Variants in IARS1 observed in about 807,000 individuals in gnomAD.
The protein encoded by IARS1 is isoleucyl-tRNA synthetase 1, also known as isoleucine--tRNA ligase, cytoplasmic.
IARS1 carries 124 observed loss-of-function variants against 168.2 expected under a neutral mutation model. The observed-to-expected ratio is 0.74, with a 90% CI of 0.64 to 0.86. The LOEUF (loss-of-function observed/expected upper bound fraction) is 0.86. IARS1 is among the 40% of genes least tolerant of loss of function. The pLI is 0.00. For missense variants in IARS1, 1,452 were observed against 1,515.8 expected (o/e 0.96, Z 0.70); for synonymous variants, 532 against 529.4 (o/e 1.00, Z -0.07).
chr9:92,224,417 A>G (rs1825312232), intron 31 of IARS1, among the ~76,000 whole-genome samples: 1 of 152,246 alleles, frequency 6.6e-6, no homozygotes, highest in Non-Finnish European at 1.5e-5. Context: ...GACACTGGCC[A>G]ATAGCTGGAC....
At chr9:92,289,132 G>A (rs540962437) in intron 2 of IARS1, among the ~76,000 whole-genome samples, 169 bp downstream of exon 2, 3 of 151,068 alleles carry the variant, frequency 2.0e-5, no homozygotes, top group South Asian at 4.2e-4. Context: ...ACTTGCATCC[G>A]GGAGGCAGAG....
intron 13 of IARS1, among the ~76,000 whole-genome samples, chr9:92,268,932 A>G (rs1473254657): frequency 6.6e-6 from 1 of 152,154 alleles, no homozygotes; most frequent in Non-Finnish European, 1.5e-5. Flanking sequence ...GCTTTGCAGA[A>G]ATCCTTTTCA....
At chr9:92,276,655 G>T (rs1015556139) in intron 9 of IARS1, among the ~76,000 whole-genome samples, 3 of 152,212 alleles carry the variant, frequency 2.0e-5, no homozygotes, top group African/African-American at 7.2e-5. Context: ...ACACGGAACA[G>T]AAACAACTGA....
At position 92,223,505 on chromosome 9, in the gene IARS1, A is replaced by G. The variant is rs1825143502; in HGVS notation, c.3410-16T>C. On this transcript the variant is annotated splice_polypyrimidine_tract_variant and intron_variant, in intron 31 of 33. Coordinates refer to ENST00000443024, the MANE Select transcript of IARS1 (RefSeq NM_002161.6). ...TTTTGTATTTCTAAAAATAACAACA[A>G]CAATTCTTTCAGGGTTAACGAACAA... The G allele has an allele frequency of 1.2e-6, 2 of 1,604,442 alleles. No individual in the cohort carries two copies. The highest frequency in any genetic ancestry group is 2.2e-5 in the South Asian group (2 of 90,208).
At position 92,234,197 on chromosome 9, in the gene IARS1, GT is replaced by G. The variant is rs369203357; in HGVS notation, c.3284-5072del. On this transcript the variant is annotated intron_variant, in intron 30 of 33. Coordinates refer to ENST00000443024, the MANE Select transcript of IARS1 (RefSeq NM_002161.6). ...TTATCTTACATCCTGTGACTCAAAAGTTTTTTTCTTTTTTATAAGCAATATG... is the reference window on the plus strand; with the variant it reads ...TTATCTTACATCCTGTGACTCAAAAGTTTTTTCTTTTTTATAAGCAATATG... 6.0e-3 allele frequency among the ~76,000 whole-genome samples: 908 copies of G among 152,148 alleles called. 9 individuals are homozygous for G. The highest frequency in any genetic ancestry group is 0.021 in the African/African-American group (857 of 41,532).
intron 26 of IARS1, among the ~76,000 whole-genome samples, chr9:92,246,529 T>G (rs1016783454): frequency 6.6e-6 from 1 of 152,202 alleles, no homozygotes; most frequent in Non-Finnish European, 1.5e-5. Flanking sequence ...TACCCCCACA[T>G]GTTTTTATGT....
intron 25 of IARS1, among the ~76,000 whole-genome samples, chr9:92,248,656 A>AG (rs1829583564): frequency 6.7e-6 from 1 of 148,606 alleles, no homozygotes; most frequent in Non-Finnish European, 1.5e-5. Flanking sequence ...CTGTCACAAA[A>AG]AAAAAAAAAA....
At chr9:92,273,250 T>C (rs1332129849) in intron 10 of IARS1, among the ~76,000 whole-genome samples, 2 of 151,900 alleles carry the variant, frequency 1.3e-5, no homozygotes, top group African/African-American at 4.8e-5. Context: ...TTATGAACAA[T>C]ATTTGACTAG....
At chr9:92,261,521 T>C (rs955063606) in intron 17 of IARS1, among the ~76,000 whole-genome samples, 1 of 152,154 alleles carries the variant, frequency 6.6e-6, no homozygotes, top group African/African-American at 2.4e-5. Context: ...TGCTGCTGGA[T>C]ACAGGATCCT....
intron 28 of IARS1, 180 bp downstream of exon 28, chr9:92,243,036 A>C: frequency 2.0e-5 from 10 of 502,792 alleles, no homozygotes; most frequent in East Asian, 3.8e-5. Flanking sequence ...TTGGGAGTGA[A>C]CACGTGGGGA....
intron 18 of IARS1, among the ~76,000 whole-genome samples, chr9:92,259,367 T>C (rs1402822395): frequency 6.6e-6 from 1 of 152,148 alleles, no homozygotes; most frequent in Non-Finnish European, 1.5e-5. Flanking sequence ...CATCTGCTGC[T>C]TGCAGAGAGA....
chr9:92,222,118 G>A (rs1042923838), intron 33 of IARS1, among the ~76,000 whole-genome samples: 1 of 151,966 alleles, frequency 6.6e-6, no homozygotes, highest in South Asian at 2.1e-4. Flanking sequence ...AGGAGTTTGA[G>A]ACCAGCCTGG....
chr9:92,223,343 T>C lies in IARS1; in HGVS notation c.3553+3A>G, dbSNP rs1032426613. 2.5e-6 allele frequency: 4 copies of C among 1,608,500 alleles called. No individual in the cohort carries two copies. The highest frequency in any genetic ancestry group is 3.4e-6 in the Non-Finnish European group (4 of 1,176,202). On this transcript the variant is annotated splice_donor_region_variant and intron_variant, in intron 32 of 33. Transcript: ENST00000443024. ...AGTCTGCCTGCTGTGGGGAGGCACA[T>C]ACCTTGTGGCTTTGCATTCAGGAGC... is the stretch of plus-strand genomic sequence containing the variant.
rs75186890 is a variant in IARS1, at chr9:92,285,558, C to T, written c.597+164G>A. 1.3e-4 allele frequency among the ~76,000 whole-genome samples: 20 copies of T among 152,256 alleles called. No homozygotes were observed. In the East Asian group the frequency reaches 3.7e-3, roughly 28 times the overall value. ...CTCATCTTAACAGAGCCTTAGTATA[C>T]TAACTGGCAATATTTCCAGCACTCA... On this transcript the variant is annotated intron_variant, in intron 6 of 33. Transcript: ENST00000443024.
chr9:92,242,451 C>G, intron 28 of IARS1, 121 bp from the exon 29 acceptor site: 1 of 695,378 alleles, frequency 1.4e-6, no homozygotes, highest in East Asian at 2.8e-5. Flanking sequence ...GGGCAGTCAC[C>G]CTTCCCTCCC....
intron 18 of IARS1, among the ~76,000 whole-genome samples, chr9:92,259,785 C>T (rs537235808): frequency 2.6e-5 from 4 of 152,238 alleles, no homozygotes; most frequent in African/African-American, 9.6e-5. Flanking sequence ...TCTCACATGG[C>T]TCTGTAAGTA....
intron 25 of IARS1, among the ~76,000 whole-genome samples, chr9:92,249,280 A>C (rs936081480): frequency 6.6e-6 from 1 of 152,216 alleles, no homozygotes; most frequent in Non-Finnish European, 1.5e-5. Flanking sequence ...GGCCAGGCAC[A>C]GTGGCTCATG....
At chr9:92,250,587 T>G in intron 23 of IARS1, 126 bp downstream of exon 23, 2 of 1,086,348 alleles carry the variant, frequency 1.8e-6, no homozygotes, top group Non-Finnish European at 2.6e-6. Flanking sequence ...GAGGAGTTCA[T>G]GTCAGCTGGG....
intron 10 of IARS1, among the ~76,000 whole-genome samples, chr9:92,272,875 A>C (rs71494498): frequency 0.26 from 39,199 of 149,600 alleles, 6,430 homozygotes; most frequent in African/African-American, 0.45. Context: ...AAAAAAAAAA[A>C]AAAAAAAAAA....
Sources: allele counts gnomAD v4.1 joint callset (sites outside exome capture counted in the v4.1 genomes callset), GRCh38; gene constraint gnomAD v4.1.1; transcripts MANE v1.5; gene names NCBI Gene and HGNC (gene_info 2026-07-23, HGNC 2026-07-21).